The following NEMP2 variants were observed in gnomAD, a reference collection of about 807,000 sequenced individuals.
NEMP2 encodes nuclear envelope integral membrane protein 2.
Under a neutral mutation model 54.2 loss-of-function variants are expected in NEMP2, and 53 were observed. The ratio of observed to expected loss-of-function variants is 0.98; its 90% CI spans 0.78 to 1.23. NEMP2 has a LOEUF of 1.23. NEMP2 is among the 50% of genes most tolerant of loss of function. NEMP2 has a pLI of 0.00. For missense variants in NEMP2, 455 were observed against 511.3 expected, an observed-to-expected ratio of 0.89 and a Z score of 1.06; for synonymous variants, 197 against 190.3, an observed-to-expected ratio of 1.04 and a Z score of -0.29.
At chr2:190,497,820 A>T in the NEMP2 span, 1 of 1,370,638 alleles carries the variant, frequency 7.3e-7, no homozygotes, top group Non-Finnish European at 1.0e-6. The surrounding 1 kb of genome is among the most constrained non-coding windows in gnomAD (Gnocchi z 5.2). Context: ...AGATTTATTG[A>T]AAGTCTGGTG....
the NEMP2 span, among the ~76,000 whole-genome samples, chr2:190,487,963 C>T: frequency 6.6e-6 from 1 of 152,092 alleles, no homozygotes; most frequent in African/African-American, 2.4e-5. This position sits in a 1 kb window ranked among gnomAD's most constrained non-coding sequence, Gnocchi z 5.5. Flanking sequence ...AGTGCAGTGG[C>T]GTGATCTTGG....
At chr2:190,627,473 T>G in the NEMP2 span, among the ~76,000 whole-genome samples, 1 of 152,268 alleles carries the variant, frequency 6.6e-6, no homozygotes, top group African/African-American at 2.4e-5. This position sits in a 1 kb window ranked among gnomAD's most constrained non-coding sequence, Gnocchi z 4.4. Context: ...GTTCAAATGT[T>G]TCTTGACTAC....
chr2:190,549,198 C>A, the NEMP2 span, among the ~76,000 whole-genome samples: 4 of 152,214 alleles, frequency 2.6e-5, no homozygotes, highest in African/African-American at 9.6e-5. Flanking sequence ...GATTCAAAGG[C>A]TTCCGCAGAC....
chr2:190,484,798 A>G, the NEMP2 span, among the ~76,000 whole-genome samples: 1 of 152,220 alleles, frequency 6.6e-6, no homozygotes, highest in Non-Finnish European at 1.5e-5. Context: ...TTCTTCACTT[A>G]TACGATATCT....
At chr2:190,581,161 A>G in the NEMP2 span, among the ~76,000 whole-genome samples, 1 of 152,228 alleles carries the variant, frequency 6.6e-6, no homozygotes, top group East Asian at 1.9e-4. Context: ...GGCAAAATAG[A>G]TGTCATTTTA....
At chr2:190,633,620 C>T in the NEMP2 span, among the ~76,000 whole-genome samples, 1 of 152,192 alleles carries the variant, frequency 6.6e-6, no homozygotes, top group African/African-American at 2.4e-5. Context: ...AGCCCATATT[C>T]AACTTTTCAT....
the NEMP2 span, among the ~76,000 whole-genome samples, chr2:190,571,461 C>G: frequency 6.6e-6 from 1 of 151,952 alleles, no homozygotes; most frequent in African/African-American, 2.4e-5. Context: ...GAGAATCGCT[C>G]GAACTCAGGA....
rs918193736 is a variant in NEMP2, at chr2:190,509,184, G to A, written c.*5C>T. 12 of 1,551,404 alleles carry A rather than the reference G, an allele frequency of 7.7e-6. No individual in the cohort carries two copies. Among genetic ancestry groups the A allele is most frequent in the South Asian group, 1.2e-5 (1 of 84,024 alleles). On this transcript the variant is annotated 3_prime_UTR_variant, in exon 9 of 9. Coordinates refer to ENST00000409150, the MANE Select transcript of NEMP2 (RefSeq NM_001142645.2). This position sits in a 1 kb window ranked among gnomAD's most constrained non-coding sequence, Gnocchi z 6.1. ...CCAGAATGAAGTCAACTTGAAGGTC[G>A]CATGTCAGGCAGTACTCGGGTTAAA...
At chr2:190,478,018 G>A in the NEMP2 span, among the ~76,000 whole-genome samples, 1 of 152,130 alleles carries the variant, frequency 6.6e-6, no homozygotes, top group Non-Finnish European at 1.5e-5. Flanking sequence ...GTGGTGTGCC[G>A]GGGCTAGGGC....
the NEMP2 span, among the ~76,000 whole-genome samples, chr2:190,580,395 T>C: frequency 6.6e-6 from 1 of 152,260 alleles, no homozygotes; most frequent in East Asian, 1.9e-4. This position sits in a 1 kb window ranked among gnomAD's most constrained non-coding sequence, Gnocchi z 5.3. Flanking sequence ...GGTGATAATA[T>C]GGTCTGTTAG....
the NEMP2 span, chr2:190,553,616 T>C: frequency 6.6e-6 from 1 of 152,232 alleles, no homozygotes; most frequent in Admixed American, 6.5e-5. Context: ...CAGAGAGCTT[T>C]GTGGAGCCTG....
At chr2:190,538,830 T>A (rs945079383), upstream of NEMP2, among the ~76,000 whole-genome samples, 1 of 152,212 alleles carries the variant, frequency 6.6e-6, no homozygotes, top group Non-Finnish European at 1.5e-5. The surrounding 1 kb of genome is among the most constrained non-coding windows in gnomAD (Gnocchi z 4.1). Context: ...TGCTATTCAA[T>A]TGTTTGAGTT....
Position 190,509,280 on chromosome 2 carries a change from A to T in NEMP2, c.1163T>A (p.Leu388Ter). ...FADFVLGGSH[L>*]SPEEISLHEE... ...ATGCAGACTGATTTCTTCAGGTGACAAGTGGCTTCCTCCAAGAACAAAGTC... is the reference window on the plus strand; with the variant it reads ...ATGCAGACTGATTTCTTCAGGTGACTAGTGGCTTCCTCCAAGAACAAAGTC... Residue 388 changes from leucine to a stop codon, truncating the protein, a stop_gained, in exon 9 of 9, where the codon TTG (leucine) becomes TAG (stop). Coordinates refer to ENST00000409150, the MANE Select transcript of NEMP2 (RefSeq NM_001142645.2). LOFTEE classifies it high-confidence loss of function. The surrounding 1 kb of genome is among the most constrained non-coding windows in gnomAD (Gnocchi z 6.1). 1.3e-6 allele frequency: 2 copies of T among 1,551,762 alleles called. No individual in the cohort carries two copies. The highest frequency in any genetic ancestry group is 1.7e-6 in the Non-Finnish European group (2 of 1,147,008).
the NEMP2 span, among the ~76,000 whole-genome samples, chr2:190,607,016 C>T: frequency 6.6e-6 from 1 of 152,086 alleles, no homozygotes; most frequent in South Asian, 2.1e-4. This position sits in a 1 kb window ranked among gnomAD's most constrained non-coding sequence, Gnocchi z 5.2. Context: ...GATCCAGAGT[C>T]CTCAGTATAG....
chr2:190,565,000 T>C, the NEMP2 span, among the ~76,000 whole-genome samples: 1 of 152,178 alleles, frequency 6.6e-6, no homozygotes. This position sits in a 1 kb window ranked among gnomAD's most constrained non-coding sequence, Gnocchi z 4.2. Context: ...AGCTCAAGAC[T>C]TGGAGTCATC....
chr2:190,546,124 G>C, the NEMP2 span, among the ~76,000 whole-genome samples: 24 of 152,152 alleles, frequency 1.6e-4, no homozygotes, highest in African/African-American at 5.6e-4. This position sits in a 1 kb window ranked among gnomAD's most constrained non-coding sequence, Gnocchi z 5.1. Context: ...ACCGTGGAAA[G>C]TGGAATGTAT....
At chr2:190,596,563 G>A in the NEMP2 span, among the ~76,000 whole-genome samples, 1 of 152,162 alleles carries the variant, frequency 6.6e-6, no homozygotes, top group Non-Finnish European at 1.5e-5. This position sits in a 1 kb window ranked among gnomAD's most constrained non-coding sequence, Gnocchi z 5.1. Flanking sequence ...AGAAAAGTTT[G>A]TCAAGTCTGT....
upstream of NEMP2, among the ~76,000 whole-genome samples, chr2:190,535,381 T>C (rs1392095340): frequency 6.6e-6 from 1 of 152,098 alleles, no homozygotes; most frequent in Non-Finnish European, 1.5e-5. Context: ...AAAATTACCT[T>C]ATGTTAAAAA....
At chr2:190,560,730 T>G in the NEMP2 span, among the ~76,000 whole-genome samples, 1 of 152,226 alleles carries the variant, frequency 6.6e-6, no homozygotes, top group Non-Finnish European at 1.5e-5. This position sits in a 1 kb window ranked among gnomAD's most constrained non-coding sequence, Gnocchi z 5.4. Context: ...TTGTTTGAAG[T>G]GCCATCGACT....
Sources: allele counts gnomAD v4.1 joint callset (sites outside exome capture counted in the v4.1 genomes callset), GRCh38; gene constraint gnomAD v4.1.1; non-coding constraint Gnocchi (gnomAD v3.1); transcripts MANE v1.5; gene names NCBI Gene and HGNC (gene_info 2026-07-23, HGNC 2026-07-21).